The following KCNIP4 variants were observed in gnomAD, a reference collection of about 807,000 sequenced individuals.
KCNIP4 encodes the protein potassium voltage-gated channel interacting protein 4, also known as Kv channel-interacting protein 4.
A neutral mutation model predicts 34.0 loss-of-function variants in KCNIP4; 12 were observed. The ratio of observed to expected loss-of-function variants is 0.35; its 90% confidence interval spans 0.23 to 0.57. KCNIP4 has a LOEUF of 0.57. Among genes scored for constraint, KCNIP4 ranks in the 20% least tolerant of loss-of-function variants. The pLI, the probability that KCNIP4 is intolerant of heterozygous loss-of-function variation, is 0.83. For synonymous variants in KCNIP4, 124 were observed against 102.2 expected (o/e 1.21, Z -1.29); for missense variants, 238 against 311.7 (o/e 0.76, Z 1.78).
intron 1 of KCNIP4, among the ~76,000 whole-genome samples, chr4:21,080,458 T>G (rs952983473): frequency 6.6e-6 from 1 of 151,930 alleles, no homozygotes; most frequent in Non-Finnish European, 1.5e-5. Context: ...TTCCTTAAAT[T>G]TATAGAGTAC....
intron 1 of KCNIP4, among the ~76,000 whole-genome samples, chr4:21,175,222 A>C (rs73247384): frequency 0.017 from 2,648 of 152,242 alleles, 33 homozygotes; most frequent in Non-Finnish European, 0.026. Context: ...ATTTCCTTGA[A>C]GTCATAGAAG....
intron 1 of KCNIP4, among the ~76,000 whole-genome samples, chr4:21,508,777 C>T (rs757923331): frequency 3.3e-5 from 5 of 152,166 alleles, no homozygotes; most frequent in Non-Finnish European, 7.3e-5. Context: ...AAACTATGAA[C>T]AGCAAAAGAG....
At chr4:20,793,875 C>G (rs1713097919) in intron 3 of KCNIP4, among the ~76,000 whole-genome samples, 1 of 151,772 alleles carries the variant, frequency 6.6e-6, no homozygotes, top group South Asian at 2.1e-4. Flanking sequence ...TGGCTGTGTC[C>G]CCACCCAAAT....
At chr4:21,329,872 C>T (rs562009564) in intron 1 of KCNIP4, among the ~76,000 whole-genome samples, 7 of 152,268 alleles carry the variant, frequency 4.6e-5, no homozygotes, top group Admixed American at 3.9e-4. Flanking sequence ...ATAAAAACAA[C>T]CTAAAAATGT....
chr4:21,680,391 T>C (rs1475960332), intron 1 of KCNIP4, among the ~76,000 whole-genome samples: 1 of 152,204 alleles, frequency 6.6e-6, no homozygotes, highest in East Asian at 1.9e-4. Context: ...CTTCCTCCAC[T>C]GAAGGCTTGA....
intron 1 of KCNIP4, among the ~76,000 whole-genome samples, chr4:21,564,971 G>C (rs542261313): frequency 6.6e-6 from 1 of 152,218 alleles, no homozygotes; most frequent in East Asian, 1.9e-4. Context: ...CCCCAATTAG[G>C]CCACACTTCT....
At chr4:21,289,846 C>T (rs917587250) in intron 1 of KCNIP4, among the ~76,000 whole-genome samples, 3 of 152,130 alleles carry the variant, frequency 2.0e-5, no homozygotes, top group Non-Finnish European at 4.4e-5. Context: ...AATTGCCAAG[C>T]AGCCACAGAC....
chr4:21,444,892 C>G (rs557685136), intron 1 of KCNIP4, among the ~76,000 whole-genome samples: 1 of 152,256 alleles, frequency 6.6e-6, no homozygotes, highest in African/African-American at 2.4e-5. Context: ...ATCTCAGCCC[C>G]AAATCTCCTT....
intron 1 of KCNIP4, among the ~76,000 whole-genome samples, chr4:21,256,742 T>C (rs987136123): frequency 1.3e-5 from 2 of 152,204 alleles, no homozygotes; most frequent in Non-Finnish European, 2.9e-5. Flanking sequence ...CAACAAATGC[T>C]TTAAAGATTA....
intron 3 of KCNIP4, among the ~76,000 whole-genome samples, chr4:20,842,071 T>A: frequency 6.6e-6 from 1 of 152,288 alleles, no homozygotes; most frequent in South Asian, 2.1e-4. Flanking sequence ...TATTTAACTA[T>A]GTGTTTGCTT....
At chr4:21,764,679 C>T (rs1718286867) in intron 1 of KCNIP4, among the ~76,000 whole-genome samples, 1 of 151,986 alleles carries the variant, frequency 6.6e-6, no homozygotes, top group Non-Finnish European at 1.5e-5. Flanking sequence ...AAGGAATGGG[C>T]CATAGGGAGG....
chr4:20,810,753 A>C (rs1578674668), intron 3 of KCNIP4, among the ~76,000 whole-genome samples: 1 of 152,208 alleles, frequency 6.6e-6, no homozygotes, highest in East Asian at 1.9e-4. Context: ...TTTGTCACAG[A>C]AATAGCAAAT....
chr4:20,983,964 T>C (rs891154810), intron 1 of KCNIP4: 5 of 1,533,480 alleles, frequency 3.3e-6, no homozygotes, highest in African/African-American at 2.7e-5. Context: ...CCAGACCCCT[T>C]TGGAGTGGAG....
At chr4:21,793,391 G>A (rs1012905813) in intron 1 of KCNIP4, among the ~76,000 whole-genome samples, 1 of 151,854 alleles carries the variant, frequency 6.6e-6, no homozygotes, top group Admixed American at 6.6e-5. Context: ...CCCAGTAGCT[G>A]GGATTACAGG....
Position 21,720,013 on chromosome 4 carries a change from AAGAAGG to A in KCNIP4, c.61+228552_61+228557del, listed in dbSNP as rs71191538. Among the ~76,000 whole-genome samples, 763 of 131,220 alleles carry A rather than the reference AAGAAGG, an allele frequency of 5.8e-3. 4 individuals are homozygous for A. Among genetic ancestry groups the A allele is most frequent in the Non-Finnish European group, 6.8e-3 (443 of 65,280 alleles). The allele number at this position is 131,220 out of a possible 152,430, so 86.1% of individuals were successfully genotyped here. On this transcript the variant is annotated intron_variant, in intron 1 of 8. Coordinates refer to ENST00000382152, the MANE Select transcript of KCNIP4 (RefSeq NM_025221.6). The stretch of plus-strand genomic sequence containing the variant: ...GGAAGAAGAAAAGAAAAAGAAGAAG[AAGAAGG>A]AGAAGGAGAAGGAGAAGGAGAAGGA...
chr4:20,770,161 G>A (rs1056533944), intron 3 of KCNIP4, among the ~76,000 whole-genome samples: 3 of 152,106 alleles, frequency 2.0e-5, no homozygotes, highest in Non-Finnish European at 4.4e-5. Context: ...TTTAACAACA[G>A]TCTTTTTTTT....
At chr4:21,882,651 G>C (rs1216193029) in intron 1 of KCNIP4, among the ~76,000 whole-genome samples, 1 of 152,138 alleles carries the variant, frequency 6.6e-6, no homozygotes, top group Non-Finnish European at 1.5e-5. Context: ...TGTACCAAAA[G>C]TAGCCTAAAG....
chr4:21,755,509 CT>C (rs2047535997), intron 1 of KCNIP4, among the ~76,000 whole-genome samples: 1 of 152,116 alleles, frequency 6.6e-6, no homozygotes, highest in African/African-American at 2.4e-5. Flanking sequence ...GGACAAGGGG[CT>C]AGTGACAGTC....
chr4:21,186,446 G>C (rs753187412), intron 1 of KCNIP4, among the ~76,000 whole-genome samples: 26 of 152,126 alleles, frequency 1.7e-4, no homozygotes, highest in Non-Finnish European at 2.9e-4. Flanking sequence ...TGGAATAAGG[G>C]AAAGAGAGTG....
Sources: allele counts gnomAD v4.1 joint callset (sites outside exome capture counted in the v4.1 genomes callset), GRCh38; gene constraint gnomAD v4.1.1; transcripts MANE v1.5; gene names NCBI Gene and HGNC (gene_info 2026-07-23, HGNC 2026-07-21).